Variants in USH2A observed in about 807,000 individuals in gnomAD.
The protein encoded by USH2A is Usher syndrome 2A (autosomal recessive, mild).
In USH2A, 443 loss-of-function variants were observed where a neutral mutation model predicts 538.9. The observed-to-expected ratio is 0.82, with a 90% confidence interval of 0.76 to 0.89. USH2A has a LOEUF of 0.89. Among genes scored for constraint, USH2A ranks in the 40% least tolerant of loss-of-function variants. USH2A has a pLI of 0.00. For missense variants in USH2A, 6,633 were observed against 6,324.8 expected, an observed-to-expected ratio of 1.05 and a Z score of -1.65; for synonymous variants, 2,413 against 2,273.5, an observed-to-expected ratio of 1.06 and a Z score of -1.75.
intron 4 of USH2A, among the ~76,000 whole-genome samples, chr1:216,364,685 A>G (rs1185079239): frequency 2.0e-5 from 3 of 152,166 alleles, no homozygotes; most frequent in Admixed American, 1.3e-4. Flanking sequence ...GCCAGTAGCT[A>G]CCACGAAGAG....
intron 15 of USH2A, among the ~76,000 whole-genome samples, chr1:216,213,471 G>A (rs2035284513): frequency 6.6e-6 from 1 of 151,964 alleles, no homozygotes; most frequent in Non-Finnish European, 1.5e-5. Flanking sequence ...GTAATTCAAT[G>A]GGGAAAGGAT....
At chr1:215,897,670 T>C (rs964902885) in intron 40 of USH2A, among the ~76,000 whole-genome samples, 1 of 149,264 alleles carries the variant, frequency 6.7e-6, no homozygotes, top group Non-Finnish European at 1.5e-5. Context: ...GCCTGGGCGA[T>C]AGAGTGAAAC....
intron 4 of USH2A, among the ~76,000 whole-genome samples, chr1:216,364,039 A>G (rs1257351631): frequency 6.6e-6 from 1 of 150,760 alleles, no homozygotes; most frequent in Non-Finnish European, 1.5e-5. Context: ...TAATGAGCAT[A>G]TATTATATAA....
At chr1:216,188,078 T>C (rs2034643573) in intron 20 of USH2A, among the ~76,000 whole-genome samples, 1 of 151,998 alleles carries the variant, frequency 6.6e-6, no homozygotes, top group South Asian at 2.1e-4. Flanking sequence ...CAGAGGGCTC[T>C]GACTAGTTAG....
Position 216,199,864 on chromosome 1 carries a change from C to A in USH2A, c.3574G>T (p.Gly1192Cys). Residue 1192 changes from glycine to cysteine, a missense_variant, in exon 17 of 72, where the codon GGT becomes TGT. Coordinates refer to ENST00000307340, the MANE Select transcript of USH2A (RefSeq NM_206933.4). ...CCTTCGTAGGAAACACATGGCTGACCACCAGCCAAAGGGGCACAGGACAAA... is the reference window on the plus strand; with the variant it reads ...CCTTCGTAGGAAACACATGGCTGACAACCAGCCAAAGGGGCACAGGACAAA... Reference protein sequence around the residue: ...YILSCAPLAGGQPCVSYEGHE... With the variant: ...YILSCAPLAGCQPCVSYEGHE... 2 of 1,614,088 alleles carry A rather than the reference C, an allele frequency of 1.2e-6. No individual in the cohort carries two copies. Among genetic ancestry groups the A allele is most frequent in the Non-Finnish European group, 1.7e-6 (2 of 1,179,984 alleles).
intron 61 of USH2A, among the ~76,000 whole-genome samples, chr1:215,691,900 G>A (rs1022029324): frequency 2.0e-5 from 3 of 152,164 alleles, no homozygotes; most frequent in Non-Finnish European, 4.4e-5. Context: ...AGTCTAAGGA[G>A]AGAGTGTAGG....
In USH2A at chr1:215,838,033, G is replaced by A; in HGVS notation, c.9329C>T (p.Pro3110Leu). The change falls in exon 47 of 72, where the codon CCA (proline) becomes CTA (leucine). Residue 3110 changes from proline (P) to leucine (L), a missense_variant. Coordinates refer to ENST00000307340, the MANE Select transcript of USH2A (RefSeq NM_206933.4). ...GTQITTVEDT[P>L]SDIPTPTIRG... is the part of the protein sequence containing the mutation. ...AATTGTGGGTGTTGGTATATCACTT[G>A]GAGTGTCTTCCACAGTGGTAATTTG... The A allele has an allele frequency of 6.2e-7, 1 of 1,613,990 alleles. No individual in the cohort carries two copies. Among genetic ancestry groups the A allele is most frequent in the African/African-American group, 1.3e-5 (1 of 75,034 alleles).
chr1:216,079,823 T>C (rs1250059009), intron 26 of USH2A: 1 of 152,114 alleles, frequency 6.6e-6, no homozygotes, highest in Non-Finnish European at 1.5e-5. Context: ...AAAATAAGGA[T>C]AATGATGATG....
At chr1:215,678,084 A>G (rs866997196) in intron 62 of USH2A, among the ~76,000 whole-genome samples, 2 of 152,330 alleles carry the variant, frequency 1.3e-5, no homozygotes, top group Middle Eastern at 3.4e-3. Context: ...CCTATAGTGC[A>G]TGATTTCACA....
intron 65 of USH2A, 141 bp from the exon 66 acceptor site, chr1:215,648,907 T>C: frequency 1.2e-6 from 1 of 840,152 alleles, no homozygotes; most frequent in Non-Finnish European, 2.0e-6. Flanking sequence ...TAGCATGACA[T>C]TTATCCTCAA....
At chr1:216,346,486 T>A (rs2038178152) in intron 4 of USH2A, among the ~76,000 whole-genome samples, 1 of 152,094 alleles carries the variant, frequency 6.6e-6, no homozygotes, top group Non-Finnish European at 1.5e-5. Flanking sequence ...AGAGCTTTGG[T>A]ATGCAATAAC....
chr1:215,648,609 G>A lies in USH2A; in HGVS notation c.14501C>T (p.Ser4834Phe). 1 of 1,614,222 alleles carries A rather than the reference G, an allele frequency of 6.2e-7. No individual in the cohort carries two copies. The highest frequency in any genetic ancestry group is 8.5e-7 in the Non-Finnish European group (1 of 1,180,030). The change falls in exon 66 of 72, where the codon TCT becomes TTT. Residue 4834 changes from serine (S) to phenylalanine (F), a missense_variant. Transcript: ENST00000307340. ...THPAPPSGLSSPQIGTLASRT... is the reference protein window; with the variant it reads ...THPAPPSGLSFPQIGTLASRT... ...TGAGGCCAGCGTCCCGATTTGTGGA[G>A]AGGACAGTCCTGAGGGTGGGGCAGG...
intron 36 of USH2A, among the ~76,000 whole-genome samples, chr1:215,969,694 T>C (rs1667445434): frequency 6.6e-6 from 1 of 152,146 alleles, no homozygotes; most frequent in South Asian, 2.1e-4. Context: ...TGGTGTTAGC[T>C]GCTTGGAAAG....
At chr1:215,747,883 T>C (rs1571646179) in intron 58 of USH2A, among the ~76,000 whole-genome samples, 1 of 127,040 alleles carries the variant, frequency 7.9e-6, no homozygotes, top group African/African-American at 2.8e-5. Context: ...TGTTTGTTTG[T>C]TTGTTTGGTT....
chr1:216,009,955 G>T (rs1668504030), intron 32 of USH2A, among the ~76,000 whole-genome samples: 1 of 152,110 alleles, frequency 6.6e-6, no homozygotes, highest in African/African-American at 2.4e-5. Flanking sequence ...CCCAGTTCAT[G>T]GTCGCTCGGC....
rs766547222 is a variant in USH2A at position 215,675,153 on chromosome 1, C to G, written c.12758G>C (p.Trp4253Ser). Residue 4253 changes from tryptophan (W) to serine (S), a missense_variant, in exon 63 of 72, where the codon TGG becomes TCG. Transcript: ENST00000307340. ...WNSAGHTCSS[W>S]NVVRTLQAPP... ...TGCTTGCAATGTCCTCACCACATTC[C>G]AAGAGCTACAGGTATGCCCAGCTGA... The G allele has an allele frequency of 6.2e-7, 1 of 1,614,060 alleles. No homozygotes were observed. Among genetic ancestry groups the G allele is most frequent in the Non-Finnish European group, 8.5e-7 (1 of 1,180,004 alleles).
chr1:215,942,858 T>C (rs950332995), intron 37 of USH2A, among the ~76,000 whole-genome samples: 3 of 152,120 alleles, frequency 2.0e-5, no homozygotes, highest in African/African-American at 4.8e-5. Flanking sequence ...GGGCTGGCCA[T>C]CCTGCCAAGC....
intron 61 of USH2A, among the ~76,000 whole-genome samples, chr1:215,724,460 G>T (rs796760269): frequency 6.6e-6 from 1 of 151,484 alleles, no homozygotes; most frequent in East Asian, 1.9e-4. Flanking sequence ...GACTCGGAAG[G>T]GTGGGAGGGA....
chr1:216,234,893 A>G (rs1323966328), intron 13 of USH2A, among the ~76,000 whole-genome samples: 1 of 152,090 alleles, frequency 6.6e-6, no homozygotes, highest in Admixed American at 6.6e-5. Context: ...AAAAGATGCT[A>G]AAGCACCTAG....
Sources: gnomAD v4.1 joint callset for allele counts (sites outside exome capture counted in the v4.1 genomes callset) on GRCh38, gnomAD v4.1.1 for gene constraint, MANE v1.5 for transcripts, NCBI Gene and HGNC (gene_info 2026-07-23, HGNC 2026-07-21) for gene names.